PCDHGA1: variants seen among roughly 807,000 people sequenced by gnomAD.
The protein encoded by PCDHGA1 is protocadherin gamma-A1.
A neutral mutation model predicts 58.0 loss-of-function variants in PCDHGA1; 32 were observed. The observed-to-expected ratio is 0.55, with a 90% CI of 0.42 to 0.74. The LOEUF (loss-of-function observed/expected upper bound fraction) is 0.74, where lower values mean the gene tolerates loss of function less well. PCDHGA1 is among the 30% of genes least tolerant of loss of function. The pLI, the probability that PCDHGA1 is intolerant of heterozygous loss-of-function variation, is 0.00. For synonymous variants in PCDHGA1, 498 were observed against 501.1 expected, an observed-to-expected ratio of 0.99 and a Z score of 0.08; for missense variants, 1,205 against 1,182.3, an observed-to-expected ratio of 1.02 and a Z score of -0.28.
chr5:141,452,533 A>G lies in PCDHGA1; in HGVS notation c.2422-42274A>G, dbSNP rs562306062. ...CACACTCCCTCAAAATCGTGAGTTC[A>G]TATTGATACCTCCAGTTCTGGTTCT... On this transcript the variant is annotated intron_variant, in intron 1 of 3. Transcript: ENST00000517417. Among the ~76,000 whole-genome samples the G allele has an allele frequency of 2.0e-5, 3 of 152,328 alleles. No individual in the cohort carries two copies. The East Asian group carries it at 5.8e-4, about 29-fold the overall frequency.
At chr5:141,441,005 C>T (rs772059231) in intron 1 of PCDHGA1, 1 of 152,116 alleles carries the variant, frequency 6.6e-6, no homozygotes, top group Non-Finnish European at 1.5e-5. Context: ...CTAGTTTGGC[C>T]TTGATCAAAT....
intron 1 of PCDHGA1, among the ~76,000 whole-genome samples, chr5:141,452,745 G>A (rs1246578948): frequency 6.6e-6 from 1 of 152,054 alleles, no homozygotes; most frequent in African/African-American, 2.4e-5. Flanking sequence ...AGAGAGAGAA[G>A]GAAGAAGGAA....
At position 141,332,430 on chromosome 5, in the gene PCDHGA1, A is replaced by G. The variant is rs1259356213; in HGVS notation, c.1746A>G (p.Ala582=). 1 of 1,613,806 alleles carries G rather than the reference A, an allele frequency of 6.2e-7. No individual in the cohort carries two copies. The highest frequency in any genetic ancestry group is 1.3e-5 in the African/African-American group (1 of 74,858). ...STGVELAPLS[A]EPGYLVTKVV... is the part of the protein sequence containing the mutation. ...GCGTGGAGCTGGCGCCCCTCTCCGCAGAGCCCGGCTACCTGGTGACCAAGG... is the reference window on the plus strand; with the variant it reads ...GCGTGGAGCTGGCGCCCCTCTCCGCGGAGCCCGGCTACCTGGTGACCAAGG... The change falls in exon 1 of 4, where the codon GCA becomes GCG. Residue 582 remains alanine, a synonymous_variant. Transcript: ENST00000517417. This position sits in a 1 kb window ranked among gnomAD's most constrained non-coding sequence, Gnocchi z 4.6.
chr5:141,401,730 T>C (rs1448734124), intron 1 of PCDHGA1, among the ~76,000 whole-genome samples: 4 of 152,204 alleles, frequency 2.6e-5, no homozygotes, highest in African/African-American at 4.8e-5. Context: ...ACTACTAGTC[T>C]TGTGTACATA....
intron 1 of PCDHGA1, chr5:141,351,110 A>C (rs1185497044): frequency 6.2e-7 from 1 of 1,613,972 alleles, no homozygotes; most frequent in African/African-American, 1.3e-5. Context: ...TTCCCCAATA[A>C]GTACCAGCCT....
At position 141,431,965 on chromosome 5, in the gene PCDHGA1, T is replaced by G. The variant is rs765281339; in HGVS notation, c.2422-62842T>G. ...TAGAAAAATCTTACGGAAATTACTATAGTTTAGTCACAGACATAGTCTTGG... is the reference window on the plus strand; with the variant it reads ...TAGAAAAATCTTACGGAAATTACTAGAGTTTAGTCACAGACATAGTCTTGG... On this transcript the variant is annotated intron_variant, in intron 1 of 3. Coordinates refer to ENST00000517417, the MANE Select transcript of PCDHGA1 (RefSeq NM_018912.3). This position sits in a 1 kb window ranked among gnomAD's most constrained non-coding sequence, Gnocchi z 4.8. The G allele has an allele frequency of 1.2e-6, 2 of 1,614,216 alleles. No individual in the cohort carries two copies. Among genetic ancestry groups the G allele is most frequent in the East Asian group, 4.5e-5 (2 of 44,892 alleles).
intron 1 of PCDHGA1, among the ~76,000 whole-genome samples, chr5:141,382,008 T>C (rs2150196645): frequency 6.6e-6 from 1 of 151,992 alleles, no homozygotes; most frequent in Middle Eastern, 3.4e-3. Context: ...TTTGTATTTT[T>C]AGTAGAGACG....
At position 141,375,614 on chromosome 5, in the gene PCDHGA1, A is replaced by C. The variant is rs904386299; in HGVS notation, c.2421+42509A>C. The C allele has an allele frequency of 1.9e-6, 3 of 1,614,060 alleles. No individual in the cohort carries two copies. The highest frequency in any genetic ancestry group is 1.7e-5 in the Admixed American group (1 of 60,008). Reference sequence around the variant, plus strand: ...CTCCTACGTGTCCATCAACTCCGACACTGGGATTCTGTACGCCCTGCGCTC... The same window carrying C: ...CTCCTACGTGTCCATCAACTCCGACCCTGGGATTCTGTACGCCCTGCGCTC... On this transcript the variant is annotated intron_variant, in intron 1 of 3. Transcript: ENST00000517417.
chr5:141,409,292 A>G, intron 1 of PCDHGA1: 1 of 1,614,012 alleles, frequency 6.2e-7, no homozygotes, highest in Admixed American at 1.7e-5. Flanking sequence ...ACCTCCAGGA[A>G]TGGTTGTTGC....
At chr5:141,497,209 TG>T (rs11343387) in intron 2 of PCDHGA1, among the ~76,000 whole-genome samples, 90,704 of 151,262 alleles carry the variant, frequency 0.6, 29,397 homozygotes, top group African/African-American at 0.86. Context: ...GTGAGTGTAA[TG>T]GGGGGGGGAA....
intron 1 of PCDHGA1, among the ~76,000 whole-genome samples, chr5:141,463,573 C>T (rs1331124291): frequency 6.6e-6 from 1 of 151,436 alleles, no homozygotes; most frequent in East Asian, 1.9e-4. Flanking sequence ...CTCAGCCTCC[C>T]GAGTAGCTGG....
Position 141,410,368 on chromosome 5 carries a change from T to C in PCDHGA1, c.2421+77263T>C, listed in dbSNP as rs751198926. 5.6e-6 allele frequency: 9 copies of C among 1,613,956 alleles called. No homozygotes were observed. The African/African-American group carries it at 1.2e-4, about 22-fold the overall frequency. On this transcript the variant is annotated intron_variant, in intron 1 of 3. Coordinates refer to ENST00000517417, the MANE Select transcript of PCDHGA1 (RefSeq NM_018912.3). Reference sequence around the variant, plus strand: ...GCCTGCGACGCTCTCTCAGCCCTGCTACTTGGGACTGCTTCCATCCTGGTC... The same window carrying C: ...GCCTGCGACGCTCTCTCAGCCCTGCCACTTGGGACTGCTTCCATCCTGGTC...
chr5:141,372,611 T>C, intron 1 of PCDHGA1: 5 of 1,613,998 alleles, frequency 3.1e-6, no homozygotes, highest in Non-Finnish European at 4.2e-6. Flanking sequence ...TACCTGGAGT[T>C]CTCCCCACCT....
chr5:141,394,257 C>A (rs1256817731), intron 1 of PCDHGA1: 1 of 1,613,828 alleles, frequency 6.2e-7, no homozygotes, highest in Non-Finnish European at 8.5e-7. Flanking sequence ...CCCCGACAGC[C>A]AGGAGAATGC....
Position 141,493,508 on chromosome 5 carries a change from C to T in PCDHGA1, c.2422-1299C>T, listed in dbSNP as rs2099748607. 1.3e-5 allele frequency among the ~76,000 whole-genome samples: 2 copies of T among 152,284 alleles called. No homozygotes were observed. The highest frequency in any genetic ancestry group is 4.1e-4 in the South Asian group (2 of 4,820). On this transcript the variant is annotated intron_variant, in intron 1 of 3. Transcript: ENST00000517417. The surrounding 1 kb of genome is among the most constrained non-coding windows in gnomAD (Gnocchi z 4.3). Reference sequence around the variant, plus strand: ...TCTTCTGTGGCTCCTCATTTCTGAGCAGTCCCCGCAGCGCAAACTTGGCCA... The same window carrying T: ...TCTTCTGTGGCTCCTCATTTCTGAGTAGTCCCCGCAGCGCAAACTTGGCCA...
At chr5:141,364,703 G>T (rs1281129906) in intron 1 of PCDHGA1, 4 of 1,613,812 alleles carry the variant, frequency 2.5e-6, no homozygotes, top group Non-Finnish European at 2.5e-6. Context: ...AGAAATAATC[G>T]ATATTAATGA....
chr5:141,412,918 G>A (rs893690519), intron 1 of PCDHGA1: 17 of 414,102 alleles, frequency 4.1e-5, no homozygotes, highest in Non-Finnish European at 5.5e-5. Context: ...TATCACTTGG[G>A]TGCAGTAACT....
chr5:141,365,306 G>A, intron 1 of PCDHGA1: 1 of 1,613,976 alleles, frequency 6.2e-7, no homozygotes, highest in South Asian at 1.1e-5. Context: ...GGATGGAGGC[G>A]CTCTTGTTGC....
chr5:141,385,991 T>C (rs1044328038), intron 1 of PCDHGA1: 1 of 152,222 alleles, frequency 6.6e-6, no homozygotes, highest in East Asian at 1.9e-4. Context: ...ATATGTCAAA[T>C]AAAATGTCAT....
Sources: allele counts gnomAD v4.1 joint callset (sites outside exome capture counted in the v4.1 genomes callset), GRCh38; gene constraint gnomAD v4.1.1; non-coding constraint Gnocchi (gnomAD v3.1); transcripts MANE v1.5; gene names NCBI Gene and HGNC (gene_info 2026-07-23, HGNC 2026-07-21).